DCAF12: variants seen among roughly 807,000 people sequenced by gnomAD.
DCAF12 encodes the protein DDB1 and CUL4 associated factor 12, also known as DDB1- and CUL4-associated factor 12.
Under a neutral mutation model 52.8 loss-of-function variants are expected in DCAF12, and 28 were observed. That is an observed-to-expected ratio of 0.53 (90% CI 0.39 to 0.73). The LOEUF (loss-of-function observed/expected upper bound fraction) is 0.73, where lower values mean the gene tolerates loss of function less well. DCAF12 is among the 30% of genes least tolerant of loss of function. The pLI, the probability that DCAF12 is intolerant of heterozygous loss-of-function variation, is 0.00. For missense variants in DCAF12, 425 were observed against 552.2 expected (o/e 0.77, Z 2.31); for synonymous variants, 196 against 215.5 (o/e 0.91, Z 0.79).
chr9:34,119,156 T>C (rs980011442), intron 2 of DCAF12, among the ~76,000 whole-genome samples: 2 of 152,182 alleles, frequency 1.3e-5, no homozygotes, highest in Non-Finnish European at 2.9e-5. Flanking sequence ...ACTCCTTTTG[T>C]TGCATATTCT....
intron 2 of DCAF12, among the ~76,000 whole-genome samples, chr9:34,118,985 T>C (rs1483991748): frequency 2.0e-5 from 3 of 151,884 alleles, no homozygotes; most frequent in Non-Finnish European, 2.9e-5. Context: ...ATAATAATAA[T>C]AATAATATCT....
At position 34,100,577 on chromosome 9, in the gene DCAF12, C is replaced by T. The variant is rs185916486; in HGVS notation, c.602-2060G>A. On this transcript the variant is annotated intron_variant, in intron 4 of 8. Coordinates refer to ENST00000361264, the MANE Select transcript of DCAF12 (RefSeq NM_015397.4). ...TGGTGCAATCTCAGCTCATCCCAAC[C>T]TCCACCTCCTGAGCACAAGTGATCC... Among the ~76,000 whole-genome samples, 216 of 151,576 alleles carry T rather than the reference C, an allele frequency of 1.4e-3. 4 individuals are homozygous for T. Among genetic ancestry groups the T allele is most frequent in the Non-Finnish European group, 2.2e-3 (146 of 67,900 alleles).
chr9:34,108,964 T>C (rs1001387477), intron 2 of DCAF12, among the ~76,000 whole-genome samples: 2 of 142,510 alleles, frequency 1.4e-5, no homozygotes, highest in Non-Finnish European at 3.0e-5. Flanking sequence ...AATACATATA[T>C]GTATTTTATG....
In DCAF12 at chr9:34,119,445, T is replaced by C. The variant is rs190581791; in HGVS notation, c.333+5578A>G. 7.9e-5 allele frequency among the ~76,000 whole-genome samples: 12 copies of C among 152,322 alleles called. No individual in the cohort carries two copies. The East Asian group carries it at 2.3e-3, about 29-fold the overall frequency. On this transcript the variant is annotated intron_variant, in intron 2 of 8. Coordinates refer to ENST00000361264, the MANE Select transcript of DCAF12 (RefSeq NM_015397.4). ...TATTATCAGCAGAGACAGGATTTTG[T>C]ATCTCATTTCATTAAACGTACTGAA...
At chr9:34,120,894 C>G (rs1829163569) in intron 2 of DCAF12, among the ~76,000 whole-genome samples, 1 of 151,644 alleles carries the variant, frequency 6.6e-6, no homozygotes, top group Non-Finnish European at 1.5e-5. Flanking sequence ...TGGCTCACAC[C>G]TGTAATCTCA....
chr9:34,106,510 G>GT lies in DCAF12; in HGVS notation c.541-17dup. On this transcript the variant is annotated splice_polypyrimidine_tract_variant and intron_variant, in intron 3 of 8. Coordinates refer to ENST00000361264, the MANE Select transcript of DCAF12 (RefSeq NM_015397.4). ...TGTGTCCATCCTTGGAGAGCAGGGA[G>GT]TAACAGGTACAGGGAGGAAAATAAG... is the stretch of plus-strand genomic sequence containing the variant. 4 of 1,603,742 alleles carry GT rather than the reference G, an allele frequency of 2.5e-6. No homozygotes were observed. Among genetic ancestry groups the GT allele is most frequent in the African/African-American group, 1.3e-5 (1 of 74,878 alleles).
intron 6 of DCAF12, 192 bp from the exon 7 acceptor site, chr9:34,093,640 T>C (rs963540839): frequency 1.9e-5 from 11 of 582,608 alleles, no homozygotes; most frequent in African/African-American, 1.9e-4. Context: ...TAATAAACGG[T>C]AAGACCTAGA....
chr9:34,104,762 C>T (rs1448676091), intron 4 of DCAF12, among the ~76,000 whole-genome samples: 2 of 150,250 alleles, frequency 1.3e-5, no homozygotes, highest in South Asian at 4.3e-4. Flanking sequence ...CTAAAAAATA[C>T]AAAAATTAGC....
At chr9:34,117,029 G>A (rs1829098907) in intron 2 of DCAF12, among the ~76,000 whole-genome samples, 2 of 152,188 alleles carry the variant, frequency 1.3e-5, no homozygotes, top group Admixed American at 6.5e-5. Flanking sequence ...CAAGATCTTA[G>A]ACACTCTGAG....
At chr9:34,100,103 T>C (rs777192076) in intron 4 of DCAF12, among the ~76,000 whole-genome samples, 12 of 151,598 alleles carry the variant, frequency 7.9e-5, no homozygotes, top group Middle Eastern at 6.9e-3. Flanking sequence ...GGCACAATCA[T>C]AGCTCACTGC....
At chr9:34,089,246 G>A (rs1241765754) in intron 8 of DCAF12, among the ~76,000 whole-genome samples, 166 bp downstream of exon 8, 7 of 152,100 alleles carry the variant, frequency 4.6e-5, no homozygotes, top group African/African-American at 9.7e-5. Context: ...CACAGGCAAC[G>A]TGCAGACATA....
chr9:34,090,331 A>AT (rs1249132495), intron 7 of DCAF12, among the ~76,000 whole-genome samples: 1 of 151,850 alleles, frequency 6.6e-6, no homozygotes, highest in East Asian at 1.9e-4. Flanking sequence ...AAGTGCTGGG[A>AT]TTATAGGCAT....
At chr9:34,110,142 C>T (rs1205061586) in intron 2 of DCAF12, among the ~76,000 whole-genome samples, 4 of 151,974 alleles carry the variant, frequency 2.6e-5, no homozygotes, top group Non-Finnish European at 4.4e-5. Context: ...ACAAACCACT[C>T]TCAAACTGGC....
At chr9:34,117,069 T>C (rs1172377150) in intron 2 of DCAF12, among the ~76,000 whole-genome samples, 1 of 152,192 alleles carries the variant, frequency 6.6e-6, no homozygotes, top group Non-Finnish European at 1.5e-5. Context: ...CTACACAAGA[T>C]GGACTACACT....
intron 6 of DCAF12, 63 bp from the exon 7 acceptor site, chr9:34,093,511 TC>T: frequency 1.3e-6 from 2 of 1,572,910 alleles, no homozygotes; most frequent in Non-Finnish European, 1.7e-6. Context: ...GGATATTGTT[TC>T]TGGACTCCCA....
chr9:34,088,883 G>A lies in DCAF12; in HGVS notation c.1204-375C>T, dbSNP rs571151254. On this transcript the variant is annotated intron_variant, in intron 8 of 8. Transcript: ENST00000361264. The stretch of plus-strand genomic sequence containing the variant: ...CCAGAATTTTAGGAGGCCAAGGTGA[G>A]AGAATCACTTGAGCCCAGGAGTTTG... Among the ~76,000 whole-genome samples the A allele has an allele frequency of 1.3e-4, 20 of 152,164 alleles. No individual in the cohort carries two copies. In the East Asian group the frequency reaches 3.7e-3, roughly 28 times the overall value.
intron 4 of DCAF12, among the ~76,000 whole-genome samples, chr9:34,103,268 G>A (rs1018181627): frequency 4.6e-5 from 7 of 150,650 alleles, no homozygotes; most frequent in African/African-American, 1.5e-4. Flanking sequence ...CCAGCCCGGC[G>A]TGGTGGCACG....
chr9:34,102,936 G>C (rs1828852431), intron 4 of DCAF12, among the ~76,000 whole-genome samples: 2 of 151,770 alleles, frequency 1.3e-5, no homozygotes, highest in Non-Finnish European at 1.5e-5. Flanking sequence ...AAACTAGCCA[G>C]GCATGGTGGC....
chr9:34,101,033 T>C (rs1388171128), intron 4 of DCAF12, among the ~76,000 whole-genome samples: 1 of 150,218 alleles, frequency 6.7e-6, no homozygotes, highest in African/African-American at 2.4e-5. Context: ...GGGCTTTCCA[T>C]GAACCCACAG....
Sources: gnomAD v4.1 joint callset for allele counts (sites outside exome capture counted in the v4.1 genomes callset) on GRCh38, gnomAD v4.1.1 for gene constraint, MANE v1.5 for transcripts, NCBI Gene and HGNC (gene_info 2026-07-23, HGNC 2026-07-21) for gene names.